Variants in MYO5A observed in about 807,000 individuals in gnomAD.
MYO5A encodes the protein myosin VA.
A neutral mutation model predicts 249.7 loss-of-function variants in MYO5A; 98 were observed. The observed-to-expected ratio is 0.39, with a 90% CI of 0.33 to 0.46. The LOEUF (loss-of-function observed/expected upper bound fraction) is 0.46. MYO5A is among the 20% of genes least tolerant of loss of function. The pLI is 0.98. For synonymous variants in MYO5A, 778 were observed against 810.6 expected (o/e 0.96, Z 0.68); for missense variants, 1,696 against 2,308.8 (o/e 0.73, Z 5.44).
chr15:52,368,156 T>G (rs1220539070), intron 22 of MYO5A, among the ~76,000 whole-genome samples: 1 of 151,608 alleles, frequency 6.6e-6, no homozygotes, highest in African/African-American at 2.4e-5. Context: ...TGTCAGGGGG[T>G]TTAGGACAGG....
At chr15:52,388,220 A>G (rs2042052310) in intron 13 of MYO5A, among the ~76,000 whole-genome samples, 1 of 152,172 alleles carries the variant, frequency 6.6e-6, no homozygotes, top group Non-Finnish European at 1.5e-5. Context: ...AGCTCTTCCA[A>G]GGCTGACTCC....
chr15:52,348,519 G>C (rs896587548), intron 29 of MYO5A, among the ~76,000 whole-genome samples: 6 of 152,166 alleles, frequency 3.9e-5, no homozygotes, highest in Non-Finnish European at 7.3e-5. Flanking sequence ...TCCAAGTTAA[G>C]GGCTTCCCTC....
At chr15:52,440,694 G>C (rs1595689143) in intron 1 of MYO5A, among the ~76,000 whole-genome samples, 2 of 152,264 alleles carry the variant, frequency 1.3e-5, no homozygotes, top group Middle Eastern at 3.4e-3. Flanking sequence ...CTGAGGGTGT[G>C]GGCACCAAAA....
At chr15:52,511,627 T>C (rs1201332351) in intron 1 of MYO5A, among the ~76,000 whole-genome samples, 1 of 152,188 alleles carries the variant, frequency 6.6e-6, no homozygotes, top group East Asian at 1.9e-4. Context: ...CATCCTTATA[T>C]GGCTTCCAAA....
At chr15:52,382,617 T>C (rs993677489) in intron 16 of MYO5A, among the ~76,000 whole-genome samples, 4 of 152,172 alleles carry the variant, frequency 2.6e-5, no homozygotes, top group Admixed American at 1.3e-4. Flanking sequence ...ATTTCTGTTT[T>C]GTAAAAAAAA....
intron 1 of MYO5A, chr15:52,505,044 GGGAGCTGT>G: frequency 2.0e-6 from 1 of 499,090 alleles, no homozygotes; most frequent in East Asian, 3.7e-5. Context: ...CATTATCTTC[GGGAGCTGT>G]GGAGGTAGGA....
chr15:52,480,902 TACTG>T (rs1215386812), intron 1 of MYO5A, among the ~76,000 whole-genome samples: 5 of 152,168 alleles, frequency 3.3e-5, no homozygotes, highest in Non-Finnish European at 5.9e-5. Context: ...AACAAGTACT[TACTG>T]AGTACCAACA....
At chr15:52,324,076 G>A (rs937993760) in intron 36 of MYO5A, among the ~76,000 whole-genome samples, 8 of 139,692 alleles carry the variant, frequency 5.7e-5, no homozygotes, top group African/African-American at 1.5e-4. Flanking sequence ...CATGTCCCCC[G>A]TGGGGTTAAT....
chr15:52,340,466 G>A lies in MYO5A; in HGVS notation c.4041-72C>T, dbSNP rs571471161. On this transcript the variant is annotated intron_variant, in intron 31 of 41. Coordinates refer to ENST00000399233, the MANE Select transcript of MYO5A (RefSeq NM_001382347.1). ...TGCTGCCTAACGGGTGTAAGGCATC[G>A]TGTTCACTTGCAAGAGTAGGAAAAG... 1.3e-4 allele frequency: 165 copies of A among 1,293,592 alleles called. 2 individuals carry two copies. The highest frequency in any genetic ancestry group is 1.3e-3 in the South Asian group (105 of 83,830). 80.1% of individuals were successfully genotyped at this position (1,293,592 alleles called of 1,614,324 possible).
intron 1 of MYO5A, among the ~76,000 whole-genome samples, chr15:52,472,127 G>A (rs1216999864): frequency 4.6e-5 from 7 of 151,384 alleles, no homozygotes; most frequent in African/African-American, 1.5e-4. Flanking sequence ...TGCCCAGGCT[G>A]GAGTGCAGTG....
chr15:52,511,517 T>C (rs1284974916), intron 1 of MYO5A, among the ~76,000 whole-genome samples: 1 of 152,234 alleles, frequency 6.6e-6, no homozygotes, highest in African/African-American at 2.4e-5. Flanking sequence ...TATCATTCCA[T>C]TAAATATGCA....
chr15:52,523,825 C>A (rs557618171), intron 1 of MYO5A, among the ~76,000 whole-genome samples: 2 of 152,208 alleles, frequency 1.3e-5, no homozygotes, highest in Non-Finnish European at 2.9e-5. Flanking sequence ...TTGAGGACAG[C>A]TAACATCCTT....
intron 1 of MYO5A, among the ~76,000 whole-genome samples, chr15:52,484,429 C>T (rs1469240122): frequency 6.6e-6 from 1 of 152,080 alleles, no homozygotes; most frequent in Non-Finnish European, 1.5e-5. Context: ...CCTCCTAATC[C>T]TTTTTATTAC....
intron 36 of MYO5A, among the ~76,000 whole-genome samples, chr15:52,326,861 T>C (rs1231161799): frequency 6.6e-6 from 1 of 152,216 alleles, no homozygotes; most frequent in African/African-American, 2.4e-5. Context: ...CTGGAACATA[T>C]GATCTTAGCT....
intron 40 of MYO5A, among the ~76,000 whole-genome samples, chr15:52,316,463 A>G (rs1221365605): frequency 6.6e-6 from 1 of 152,116 alleles, no homozygotes; most frequent in Admixed American, 6.5e-5. Context: ...GCATCTTACT[A>G]CAGAATTTGC....
chr15:52,367,076 C>T lies in MYO5A; in HGVS notation c.3115G>A (p.Glu1039Lys). 6.2e-7 allele frequency: 1 copy of T among 1,613,824 alleles called. No homozygotes were observed. Among genetic ancestry groups the T allele is most frequent in the Non-Finnish European group, 8.5e-7 (1 of 1,179,790 alleles). Residue 1039 changes from glutamate to lysine, a missense_variant, in exon 23 of 42, where the codon GAA becomes AAA. Physicochemically the swap from Glu to Lys is moderately conservative, Grantham distance 56 (BLOSUM62 1). Coordinates refer to ENST00000399233, the MANE Select transcript of MYO5A (RefSeq NM_001382347.1). The stretch of plus-strand genomic sequence containing the variant: ...TGCACGATGCGGTGATTGAGGGCTT[C>T]TTTTTCTTGCTTCAGCAAAGTATTT... ...EENTLLKQEK[E>K]ALNHRIVQQA...
intron 16 of MYO5A, 150 bp downstream of exon 16, chr15:52,382,941 C>T (rs1230416225): frequency 5.7e-6 from 4 of 705,726 alleles, no homozygotes; most frequent in South Asian, 1.5e-5. Context: ...AAATAATCTA[C>T]TGACTAGTGG....
intron 1 of MYO5A, among the ~76,000 whole-genome samples, chr15:52,473,301 G>A (rs2076516898): frequency 6.6e-6 from 1 of 152,174 alleles, no homozygotes; most frequent in South Asian, 2.1e-4. Context: ...TTGGCCCTTT[G>A]TCAGATGGAC....
intron 11 of MYO5A, among the ~76,000 whole-genome samples, chr15:52,395,802 A>C (rs1345911701): frequency 6.6e-6 from 1 of 152,154 alleles, no homozygotes; most frequent in Admixed American, 6.5e-5. Flanking sequence ...AATCTCCCAA[A>C]ACCACAATAC....
Sources: gnomAD v4.1 joint callset for allele counts (sites outside exome capture counted in the v4.1 genomes callset) on GRCh38, gnomAD v4.1.1 for gene constraint, MANE v1.5 for transcripts, NCBI Gene and HGNC (gene_info 2026-07-23, HGNC 2026-07-21) for gene names.